Variants in SUGCT observed in about 807,000 individuals in gnomAD.
SUGCT encodes succinyl-CoA:glutarate CoA-transferase.
SUGCT carries 41 observed loss-of-function variants against 55.0 expected under a neutral mutation model. That is an observed-to-expected ratio of 0.74 (90% CI 0.58 to 0.97). SUGCT has a LOEUF of 0.97. Ranked by LOEUF, SUGCT falls within the 50% of genes least tolerant of loss-of-function variation. SUGCT has a pLI of 0.00. For missense variants in SUGCT, 568 were observed against 547.8 expected (o/e 1.04, Z -0.37); for synonymous variants, 187 against 200.4 (o/e 0.93, Z 0.56).
intron 12 of SUGCT, among the ~76,000 whole-genome samples, chr7:40,738,180 G>C (rs1279061940): frequency 7.1e-6 from 1 of 139,958 alleles, no homozygotes; most frequent in Non-Finnish European, 1.5e-5. Context: ...CTGGGTGAGA[G>C]AGCGAGACTC....
chr7:40,461,395 CTCT>C (rs1789793288), intron 11 of SUGCT, among the ~76,000 whole-genome samples: 6 of 152,248 alleles, frequency 3.9e-5, no homozygotes, highest in Admixed American at 2.6e-4. Flanking sequence ...TTCCTGTCCA[CTCT>C]TCTTCTTACA....
the SUGCT span, among the ~76,000 whole-genome samples, chr7:40,982,139 TA>T: frequency 1.4e-5 from 1 of 73,592 alleles, no homozygotes; most frequent in East Asian, 3.5e-4. Flanking sequence ...TCAACGTATA[TA>T]AAGCACTTAG....
chr7:40,382,013 GTC>G (rs754258068), intron 9 of SUGCT, among the ~76,000 whole-genome samples: 3,349 of 147,086 alleles, frequency 0.023, 62 homozygotes, highest in South Asian at 0.053. Flanking sequence ...ACGTGTGTGT[GTC>G]TGTGTGTGTG....
the SUGCT span, among the ~76,000 whole-genome samples, chr7:40,871,473 C>T: frequency 6.6e-6 from 1 of 152,098 alleles, no homozygotes; most frequent in Non-Finnish European, 1.5e-5. Context: ...AATGAGTGAC[C>T]CCAGCCAGTG....
chr7:40,951,757 G>T, the SUGCT span, among the ~76,000 whole-genome samples: 1 of 152,166 alleles, frequency 6.6e-6, no homozygotes, highest in African/African-American at 2.4e-5. Context: ...ATGTAGTTGA[G>T]TGGTTTTGGG....
At chr7:40,160,133 A>G (rs1280487726) in intron 1 of SUGCT, among the ~76,000 whole-genome samples, 2 of 152,204 alleles carry the variant, frequency 1.3e-5, no homozygotes, top group Non-Finnish European at 2.9e-5. Flanking sequence ...ATACAACCAG[A>G]TGGTTAGGTC....
At chr7:40,934,523 ATT>A in the SUGCT span, among the ~76,000 whole-genome samples, 4 of 152,172 alleles carry the variant, frequency 2.6e-5, no homozygotes, top group Non-Finnish European at 5.9e-5. Flanking sequence ...GCTGCTTTTT[ATT>A]CAGCTATGCC....
intron 1 of SUGCT, among the ~76,000 whole-genome samples, chr7:40,161,547 T>G (rs1784146105): frequency 6.6e-6 from 1 of 152,240 alleles, no homozygotes; most frequent in Admixed American, 6.5e-5. Context: ...AGTTTTCCCC[T>G]GGATGGGATG....
At chr7:40,272,068 G>GCTCTCT (rs369167019) in intron 7 of SUGCT, among the ~76,000 whole-genome samples, 11 of 92,996 alleles carry the variant, frequency 1.2e-4, no homozygotes, top group East Asian at 6.9e-4. Context: ...TCTCTGTCTC[G>GCTCTCT]CTCTCTCTCT....
chr7:40,531,202 T>A (rs1018430119), intron 12 of SUGCT, among the ~76,000 whole-genome samples: 2 of 152,168 alleles, frequency 1.3e-5, no homozygotes, highest in Non-Finnish European at 2.9e-5. Context: ...AGAAAGTGCC[T>A]AGATATAAAG....
intron 10 of SUGCT, among the ~76,000 whole-genome samples, chr7:40,452,381 G>A (rs1043411801): frequency 2.0e-5 from 3 of 152,108 alleles, no homozygotes; most frequent in Non-Finnish European, 2.9e-5. Context: ...TTCTTTTACT[G>A]GAGAGACTAT....
the SUGCT span, among the ~76,000 whole-genome samples, chr7:41,007,109 T>A: frequency 2.6e-5 from 4 of 151,732 alleles, no homozygotes; most frequent in Non-Finnish European, 5.9e-5. Flanking sequence ...GTTTTTTTTT[T>A]AAATTGAGTG....
At chr7:40,942,156 C>A in the SUGCT span, among the ~76,000 whole-genome samples, 2 of 152,024 alleles carry the variant, frequency 1.3e-5, no homozygotes, top group Non-Finnish European at 2.9e-5. Context: ...TTTCATAGGC[C>A]TGTGAGTTTT....
chr7:40,686,364 C>T (rs1273213373), intron 12 of SUGCT, among the ~76,000 whole-genome samples: 1 of 152,062 alleles, frequency 6.6e-6, no homozygotes, highest in Non-Finnish European at 1.5e-5. Flanking sequence ...ACTTCTAAAA[C>T]TGGTATAAAG....
At chr7:40,350,537 G>A (rs181968082) in intron 9 of SUGCT, among the ~76,000 whole-genome samples, 5 of 150,724 alleles carry the variant, frequency 3.3e-5, no homozygotes, top group African/African-American at 1.2e-4. Flanking sequence ...CACCATGTTG[G>A]TCAGGCTGGT....
chr7:40,576,531 G>A (rs2151701588), intron 12 of SUGCT, among the ~76,000 whole-genome samples: 1 of 152,320 alleles, frequency 6.6e-6, no homozygotes, highest in East Asian at 1.9e-4. Context: ...AAGTGTTACT[G>A]CAGACTTACG....
chr7:40,508,794 G>A (rs751959978), intron 12 of SUGCT, among the ~76,000 whole-genome samples: 3 of 152,144 alleles, frequency 2.0e-5, no homozygotes, highest in Non-Finnish European at 4.4e-5. Context: ...ACTTTACCCT[G>A]CCTCTTTCCA....
chr7:40,993,601 G>A, the SUGCT span, among the ~76,000 whole-genome samples: 1 of 152,184 alleles, frequency 6.6e-6, no homozygotes, highest in Non-Finnish European at 1.5e-5. Context: ...TCTAGGGAGA[G>A]CAAATTACTC....
At chr7:40,720,958 A>G (rs764305824) in intron 12 of SUGCT, among the ~76,000 whole-genome samples, 24 of 152,166 alleles carry the variant, frequency 1.6e-4, no homozygotes, top group Non-Finnish European at 3.4e-4. Flanking sequence ...GTTTTATGAA[A>G]CTTATCTTCC....
Sources: gnomAD v4.1 joint callset for allele counts (sites outside exome capture counted in the v4.1 genomes callset) on GRCh38, gnomAD v4.1.1 for gene constraint, MANE v1.5 for transcripts, NCBI Gene and HGNC (gene_info 2026-07-23, HGNC 2026-07-21) for gene names.